Variants in RARB observed in about 807,000 individuals in gnomAD.
The protein encoded by RARB is HBV-activated protein.
RARB carries 17 observed loss-of-function variants against 51.9 expected under a neutral mutation model. That is an observed-to-expected ratio of 0.33 (90% CI 0.22 to 0.49). The LOEUF is 0.49. Among genes scored for constraint, RARB ranks in the 20% least tolerant of loss-of-function variants. The pLI is 0.99. For synonymous variants in RARB, 215 were observed against 195.4 expected (o/e 1.10, Z -0.84); for missense variants, 369 against 550.8 (o/e 0.67, Z 3.30).
intron 5 of RARB, among the ~76,000 whole-genome samples, chr3:25,369,036 A>G (rs1017895070): frequency 1.3e-5 from 2 of 152,206 alleles, no homozygotes; most frequent in Non-Finnish European, 2.9e-5. Context: ...CCCCAATTAT[A>G]TAATTGTTGT....
intron 5 of RARB, among the ~76,000 whole-genome samples, chr3:25,228,217 G>GTTTTTTTTTTTTTTTTTT (rs55796125): frequency 9.5e-6 from 1 of 105,628 alleles, no homozygotes; most frequent in African/African-American, 3.8e-5. Flanking sequence ...GACTTTGAGG[G>GTTTTTTTTTTTTTTTTTT]TTTTTTTTTT....
At chr3:25,267,668 G>A (rs1483850) in intron 5 of RARB, among the ~76,000 whole-genome samples, 117,393 of 152,052 alleles carry the variant, frequency 0.77, 45,763 homozygotes, top group East Asian at 0.85. Context: ...AATGTGCCAA[G>A]TATTTTTAGT....
At chr3:25,028,594 G>A (rs972989588) in intron 2 of RARB, among the ~76,000 whole-genome samples, 2 of 152,186 alleles carry the variant, frequency 1.3e-5, no homozygotes, top group Non-Finnish European at 2.9e-5. Context: ...GATTTTAGAA[G>A]AGGGAGAAGG....
At chr3:25,284,686 C>T (rs1053376749) in intron 5 of RARB, among the ~76,000 whole-genome samples, 3 of 152,066 alleles carry the variant, frequency 2.0e-5, no homozygotes, top group Non-Finnish European at 2.9e-5. Flanking sequence ...GATTAAAAGT[C>T]AGAACCTCGA....
chr3:24,939,280 T>C (rs138562457), intron 2 of RARB, among the ~76,000 whole-genome samples: 6 of 152,212 alleles, frequency 3.9e-5, no homozygotes, highest in South Asian at 2.1e-4. Context: ...CCGTGAACTT[T>C]TATGTACAGT....
intron 5 of RARB, among the ~76,000 whole-genome samples, chr3:25,240,772 G>T (rs1702413178): frequency 6.6e-6 from 1 of 152,008 alleles, no homozygotes; most frequent in African/African-American, 2.4e-5. Flanking sequence ...TGTCTATCAG[G>T]GATATTAGCC....
At chr3:25,150,863 A>G (rs1700275920) in intron 4 of RARB, among the ~76,000 whole-genome samples, 1 of 152,234 alleles carries the variant, frequency 6.6e-6, no homozygotes, top group Non-Finnish European at 1.5e-5. Context: ...ATACCTAGAC[A>G]ACGGTGTGCA....
At chr3:24,917,310 A>AT (rs1695127180) in intron 2 of RARB, among the ~76,000 whole-genome samples, 4 of 152,224 alleles carry the variant, frequency 2.6e-5, no homozygotes. Context: ...GAGGAAAAAA[A>AT]CTGATACATT....
intron 5 of RARB, among the ~76,000 whole-genome samples, chr3:25,256,748 G>T (rs1431409854): frequency 6.6e-6 from 1 of 152,030 alleles, no homozygotes; most frequent in African/African-American, 2.4e-5. Flanking sequence ...AAACCAATTT[G>T]GCTACATATA....
At chr3:25,346,115 T>A (rs1282542851) in intron 5 of RARB, among the ~76,000 whole-genome samples, 2 of 152,186 alleles carry the variant, frequency 1.3e-5, no homozygotes, top group Non-Finnish European at 1.5e-5. Context: ...GAGGCCTCTC[T>A]CCATGTAGTC....
Position 24,932,785 on chromosome 3 carries a change from G to T in RARB, c.-380+74033G>T, listed in dbSNP as rs552845769. On this transcript the variant is annotated intron_variant, in intron 2 of 11. Transcript: ENST00000383772. ...TAAGCAAGAAACATTCCGTGGGATTGTATCCTAATTGTTACTTTTGTTGAG... is the reference window on the plus strand; with the variant it reads ...TAAGCAAGAAACATTCCGTGGGATTTTATCCTAATTGTTACTTTTGTTGAG... 4.6e-5 allele frequency among the ~76,000 whole-genome samples: 7 copies of T among 152,254 alleles called. No homozygotes were observed. The East Asian group carries it at 9.7e-4, about 21-fold the overall frequency.
At chr3:25,515,150 ATT>A (rs1436604804) in intron 3 of RARB, among the ~76,000 whole-genome samples, 1 of 152,194 alleles carries the variant, frequency 6.6e-6, no homozygotes, top group Non-Finnish European at 1.5e-5. Flanking sequence ...GCAAAGCCCC[ATT>A]TTGTTTTTAC....
intron 5 of RARB, chr3:25,345,950 C>G: frequency 1.2e-6 from 1 of 841,344 alleles, no homozygotes; most frequent in Non-Finnish European, 1.4e-6. Flanking sequence ...TAGTTTAGTT[C>G]ATGATTCTAC....
In RARB at chr3:25,338,968, C is replaced by G. The variant is rs184115652; in HGVS notation, c.179-122225C>G. ...TTGAGATCCATTCTGAGTAGTAGTGCTCACTACTTTCCATATAATAAATAT... is the reference window on the plus strand; with the variant it reads ...TTGAGATCCATTCTGAGTAGTAGTGGTCACTACTTTCCATATAATAAATAT... On this transcript the variant is annotated intron_variant, in intron 5 of 11. Transcript: ENST00000383772. Among the ~76,000 whole-genome samples, 275 of 152,226 alleles carry G rather than the reference C, an allele frequency of 1.8e-3. 3 individuals are homozygous for G. Among genetic ancestry groups the G allele is most frequent in the African/African-American group, 6.4e-3 (266 of 41,536 alleles).
At chr3:25,233,261 T>C (rs1285119692) in intron 5 of RARB, among the ~76,000 whole-genome samples, 1 of 152,148 alleles carries the variant, frequency 6.6e-6, no homozygotes, top group African/African-American at 2.4e-5. Context: ...ACCCAGCCAT[T>C]AAATGCATTT....
chr3:25,520,717 C>T (rs1698365186), intron 3 of RARB, among the ~76,000 whole-genome samples: 1 of 152,122 alleles, frequency 6.6e-6, no homozygotes, highest in Non-Finnish European at 1.5e-5. Context: ...TTTGAACAGT[C>T]ATGTATCATA....
chr3:24,879,817 A>T (rs1037504436), intron 2 of RARB, among the ~76,000 whole-genome samples: 2 of 152,124 alleles, frequency 1.3e-5, no homozygotes, highest in African/African-American at 4.8e-5. Context: ...CCAGGATTCA[A>T]GATGTGTAGA....
intron 3 of RARB, among the ~76,000 whole-genome samples, chr3:25,127,462 T>C (rs1020002458): frequency 7.9e-5 from 12 of 152,196 alleles, no homozygotes; most frequent in African/African-American, 2.9e-4. Flanking sequence ...AAATTAGCTG[T>C]GTCCCAATTT....
intron 5 of RARB, among the ~76,000 whole-genome samples, chr3:25,284,972 G>A (rs1015502057): frequency 6.6e-6 from 1 of 152,194 alleles, no homozygotes; most frequent in Non-Finnish European, 1.5e-5. Context: ...TAGCAGCTCT[G>A]TGAGATAGGT....
Sources: allele counts gnomAD v4.1 joint callset (sites outside exome capture counted in the v4.1 genomes callset), GRCh38; gene constraint gnomAD v4.1.1; transcripts MANE v1.5; gene names NCBI Gene and HGNC (gene_info 2026-07-23, HGNC 2026-07-21).